The following AR variants were observed in gnomAD, a reference collection of about 807,000 sequenced individuals.
AR encodes the protein androgen receptor.
Under a neutral mutation model 53.9 loss-of-function variants are expected in AR, and 8 were observed. That is an observed-to-expected ratio of 0.15 (90% CI 0.09 to 0.27). The LOEUF is 0.27. Among genes scored for constraint, AR ranks in the 10% least tolerant of loss-of-function variants. The probability of loss-of-function intolerance (pLI) is 1.00; values close to 1 mark genes in which losing one functional copy is unlikely to be tolerated. For synonymous variants in AR, 359 were observed against 316.4 expected (o/e 1.13, Z -1.43); for missense variants, 639 against 742.5 (o/e 0.86, Z 1.62).
intron 5 of AR, among the ~76,000 whole-genome samples, chrX:67,720,735 C>A (rs1463002205): frequency 9.0e-6 from 1 of 111,078 alleles, no homozygotes; most frequent in African/African-American, 3.3e-5. Flanking sequence ...GCCTGCTCAT[C>A]CTATGGAGTA....
chrX:67,615,219 A>G (rs1924062035), intron 1 of AR, among the ~76,000 whole-genome samples: 1 of 111,302 alleles, frequency 9.0e-6, no homozygotes, highest in Non-Finnish European at 1.9e-5. Context: ...CAACCTACAC[A>G]TCAAAGAAAA....
intron 1 of AR, among the ~76,000 whole-genome samples, chrX:67,567,249 A>G (rs1224695368): frequency 1.8e-5 from 2 of 111,448 alleles, no homozygotes; most frequent in African/African-American, 6.5e-5. Flanking sequence ...TAAGTGCCTT[A>G]TTTAACTGTA....
rs2076173074 is a variant in AR at position 67,729,931 on chromosome X, A to G, written c.*6090A>G. The G allele has an allele frequency of 5.9e-6, 1 of 170,667 alleles. No homozygotes were observed. Among genetic ancestry groups the G allele is most frequent in the African/African-American group, 3.0e-5 (1 of 33,017 alleles). 14.1% of individuals were successfully genotyped at this position (170,667 alleles called of 1,213,427 possible). Reference sequence around the variant, plus strand: ...AGTGCCTGGGGGGTTGTCCTATCCCATAAGCCACTTGGATGCTGACAGCAG... The same window carrying G: ...AGTGCCTGGGGGGTTGTCCTATCCCGTAAGCCACTTGGATGCTGACAGCAG... On this transcript the variant is annotated 3_prime_UTR_variant, in exon 8 of 8. Coordinates refer to ENST00000374690, the MANE Select transcript of AR (RefSeq NM_000044.6).
chrX:67,632,794 A>G (rs1369329051), intron 1 of AR, among the ~76,000 whole-genome samples: 1 of 112,552 alleles, frequency 8.9e-6, no homozygotes, highest in Non-Finnish European at 1.9e-5. Flanking sequence ...TGATAAGGGT[A>G]TTGAATTTAG....
intron 2 of AR, among the ~76,000 whole-genome samples, chrX:67,649,695 T>G (rs945087493): frequency 8.9e-6 from 1 of 112,342 alleles, no homozygotes; most frequent in African/African-American, 3.2e-5. Flanking sequence ...TGTCTGTTCA[T>G]ATCCTTCACC....
At chrX:67,658,941 A>G (rs1926724141) in intron 2 of AR, among the ~76,000 whole-genome samples, 2 of 111,750 alleles carry the variant, frequency 1.8e-5, no homozygotes, top group African/African-American at 6.5e-5. Context: ...TATATGGGGA[A>G]TTGGAGGGAG....
At chrX:67,628,545 A>G (rs1213505222) in intron 1 of AR, among the ~76,000 whole-genome samples, 2 of 108,534 alleles carry the variant, frequency 1.8e-5, no homozygotes, top group African/African-American at 6.6e-5. Flanking sequence ...GGCTGAGACA[A>G]CGGGGTTTTC....
At chrX:67,686,204 G>A in intron 3 of AR, 78 bp downstream of exon 3, 2 of 1,043,156 alleles carry the variant, frequency 1.9e-6, no homozygotes. Flanking sequence ...CTTTAGACCA[G>A]ATTTTCTTCT....
intron 2 of AR, among the ~76,000 whole-genome samples, chrX:67,651,907 C>A (rs751740950): frequency 9.0e-6 from 1 of 111,603 alleles, no homozygotes; most frequent in Admixed American, 9.5e-5. Context: ...TGTTGTCACA[C>A]GACTATAGAA....
At chrX:67,561,748 A>G (rs778556904) in intron 1 of AR, among the ~76,000 whole-genome samples, 26 of 110,692 alleles carry the variant, frequency 2.3e-4, no homozygotes, top group African/African-American at 6.9e-4. Flanking sequence ...CCCAGTATTC[A>G]TGGAGCATCT....
intron 2 of AR, among the ~76,000 whole-genome samples, chrX:67,662,509 A>C (rs2147464450): frequency 9.0e-6 from 1 of 111,344 alleles, no homozygotes; most frequent in Admixed American, 9.6e-5. Flanking sequence ...GTTTTGAGTG[A>C]GTTTCTTAAT....
intron 1 of AR, among the ~76,000 whole-genome samples, chrX:67,570,791 T>G (rs1054825833): frequency 9.0e-6 from 1 of 110,656 alleles, no homozygotes; most frequent in Non-Finnish European, 1.9e-5. Context: ...CTTTTCTGGT[T>G]TTGTTTGGGT....
chrX:67,608,273 C>T lies in AR; in HGVS notation c.1617-34983C>T, dbSNP rs138018510. Among the ~76,000 whole-genome samples, 651 of 111,989 alleles carry T rather than the reference C, an allele frequency of 5.8e-3. 7 individuals are homozygous for T. The highest frequency in any genetic ancestry group is 0.02 in the African/African-American group (620 of 30,879). On this transcript the variant is annotated intron_variant, in intron 1 of 7. Transcript: ENST00000374690. ...AATTCAAAGCAGTTCCCACCTTACC[C>T]TCTAAATTCCAACATAAAGAGGCCT...
chrX:67,674,447 G>C (rs2075886900), intron 2 of AR, among the ~76,000 whole-genome samples: 1 of 111,216 alleles, frequency 9.0e-6, no homozygotes, highest in Admixed American at 9.6e-5. Flanking sequence ...CCTCAAGCAG[G>C]TCCAGGGATG....
At chrX:67,602,994 T>C (rs16990313) in intron 1 of AR, among the ~76,000 whole-genome samples, 7,833 of 111,518 alleles carry the variant, frequency 0.07, 697 homozygotes, top group African/African-American at 0.24. Context: ...TTGAGAAACA[T>C]GACTTCTAAA....
chrX:67,631,713 G>A (rs754621730), intron 1 of AR, among the ~76,000 whole-genome samples: 203 of 112,399 alleles, frequency 1.8e-3, no homozygotes, highest in African/African-American at 6.4e-3. Context: ...GAGGAGAGGC[G>A]CTCTGCTTTT....
At chrX:67,562,890 C>A (rs1921396716) in intron 1 of AR, among the ~76,000 whole-genome samples, 1 of 111,726 alleles carries the variant, frequency 9.0e-6, no homozygotes, top group Non-Finnish European at 1.9e-5. Flanking sequence ...TGAAATAAAA[C>A]AACTAGGATA....
intron 3 of AR, among the ~76,000 whole-genome samples, chrX:67,686,423 AG>A: frequency 8.9e-6 from 1 of 111,742 alleles, no homozygotes; most frequent in Non-Finnish European, 1.9e-5. Flanking sequence ...CAGGGCCCCC[AG>A]GGGACTTAAT....
intron 1 of AR, among the ~76,000 whole-genome samples, chrX:67,631,675 G>A (rs1458216687): frequency 8.9e-6 from 1 of 112,513 alleles, no homozygotes; most frequent in Non-Finnish European, 1.9e-5. Context: ...TTGTTCCGTT[G>A]CTGGTGAGGA....
Sources: gnomAD v4.1 joint callset for allele counts (sites outside exome capture counted in the v4.1 genomes callset) on GRCh38, gnomAD v4.1.1 for gene constraint, MANE v1.5 for transcripts, NCBI Gene and HGNC (gene_info 2026-07-23, HGNC 2026-07-21) for gene names.